Variants in EIF2AK3 observed in about 807,000 individuals in gnomAD.
EIF2AK3 encodes eukaryotic translation initiation factor 2 alpha kinase 3.
In EIF2AK3, 50 loss-of-function variants were observed where a neutral mutation model predicts 113.5. The ratio of observed to expected loss-of-function variants is 0.44; its 90% CI spans 0.35 to 0.56. The LOEUF (loss-of-function observed/expected upper bound fraction) is 0.56. EIF2AK3 is among the 20% of genes least tolerant of loss of function. The probability of loss-of-function intolerance (pLI) is 0.00; values close to 1 mark genes in which losing one functional copy is unlikely to be tolerated. For missense variants in EIF2AK3, 1,185 were observed against 1,378.0 expected (o/e 0.86, Z 2.22); for synonymous variants, 448 against 495.4 (o/e 0.90, Z 1.27).
In EIF2AK3 at chr2:88,591,019, C is replaced by G; in HGVS notation, c.801G>C (p.Arg267=). The G allele has an allele frequency of 1.2e-6, 2 of 1,614,036 alleles. No homozygotes were observed. Among genetic ancestry groups the G allele is most frequent in the Non-Finnish European group, 1.7e-6 (2 of 1,179,966 alleles). Residue 267 remains arginine (R), a synonymous_variant, in exon 5 of 17, where the codon CGG becomes CGC. Coordinates refer to ENST00000303236, the MANE Select transcript of EIF2AK3 (RefSeq NM_004836.7). The stretch of plus-strand genomic sequence containing the variant: ...CTCTCGTTTCCATGTCTGGAATATA[C>G]CGAAGTTCAAAGTGGCCAACACTGA... ...WNFSVGHFEL[R]YIPDMETRAG...
intron 1 of EIF2AK3, among the ~76,000 whole-genome samples, chr2:88,625,555 T>C (rs1364899946): frequency 2.0e-5 from 3 of 152,170 alleles, no homozygotes; most frequent in African/African-American, 7.2e-5. Context: ...CTGTTTCTAG[T>C]CTGTAATGTT....
chr2:88,566,457 T>G (rs1237507139), intron 14 of EIF2AK3, among the ~76,000 whole-genome samples: 1 of 152,186 alleles, frequency 6.6e-6, no homozygotes, highest in Non-Finnish European at 1.5e-5. Flanking sequence ...TTTCATCATT[T>G]TCTTAATACT....
rs957438194 is a variant in EIF2AK3, at chr2:88,557,763, G to A, written c.3324C>T (p.Asn1108=). The change falls in exon 17 of 17, where the codon AAC becomes AAT. Residue 1108 remains asparagine, a synonymous_variant. Coordinates refer to ENST00000303236, the MANE Select transcript of EIF2AK3 (RefSeq NM_004836.7). ...SGTKHSRQSN[N]SHSPLPSN is the part of the protein sequence containing the mutation. Reference sequence around the variant, plus strand: ...AATTGCTTGGCAAAGGGCTATGGGAGTTGTTGGACTGTCTTGAATGTTTTG... The same window carrying A: ...AATTGCTTGGCAAAGGGCTATGGGAATTGTTGGACTGTCTTGAATGTTTTG... 6.2e-7 allele frequency: 1 copy of A among 1,614,154 alleles called. No homozygotes were observed. The highest frequency in any genetic ancestry group is 1.3e-5 in the African/African-American group (1 of 75,054).
chr2:88,587,754 TA>T (rs1181599855), intron 8 of EIF2AK3, among the ~76,000 whole-genome samples: 1 of 152,138 alleles, frequency 6.6e-6, no homozygotes, highest in Non-Finnish European at 1.5e-5. Flanking sequence ...ATTTTACAGA[TA>T]AAGAAATTGA....
chr2:88,561,163 C>T (rs1455104659), intron 15 of EIF2AK3, among the ~76,000 whole-genome samples: 2 of 151,928 alleles, frequency 1.3e-5, no homozygotes, highest in African/African-American at 2.4e-5. Flanking sequence ...CTATGTTGCC[C>T]AGGCTGGTGT....
At chr2:88,601,246 A>G (rs1558659062) in intron 2 of EIF2AK3, among the ~76,000 whole-genome samples, 1 of 152,236 alleles carries the variant, frequency 6.6e-6, no homozygotes, top group Non-Finnish European at 1.5e-5. Context: ...TGTCCTATAG[A>G]ATGTCCCACA....
intron 1 of EIF2AK3, among the ~76,000 whole-genome samples, chr2:88,623,574 G>A (rs1226496471): frequency 6.6e-6 from 1 of 152,134 alleles, no homozygotes; most frequent in African/African-American, 2.4e-5. Flanking sequence ...CAGTACTGCA[G>A]TTCTTCACAG....
intron 9 of EIF2AK3, among the ~76,000 whole-genome samples, chr2:88,584,195 C>T (rs905805381): frequency 5.3e-5 from 8 of 152,000 alleles, no homozygotes; most frequent in African/African-American, 1.7e-4. Flanking sequence ...TGGTGGTAAA[C>T]AGTGTAGACT....
chr2:88,581,783 A>C (rs575282116), intron 10 of EIF2AK3, among the ~76,000 whole-genome samples: 2 of 152,212 alleles, frequency 1.3e-5, no homozygotes, highest in East Asian at 3.9e-4. Context: ...TCACCTAGTA[A>C]ATTTTGCTTT....
chr2:88,570,120 T>C (rs1420507109), intron 14 of EIF2AK3, among the ~76,000 whole-genome samples: 1 of 152,182 alleles, frequency 6.6e-6, no homozygotes, highest in Non-Finnish European at 1.5e-5. Flanking sequence ...TTCATTGTTA[T>C]TTAGTTGATT....
chr2:88,587,849 T>C lies in EIF2AK3; in HGVS notation c.1429+133A>G, dbSNP rs1255893874. On this transcript the variant is annotated intron_variant, in intron 8 of 16. Transcript: ENST00000303236. ...TGGCAACCTAACTTTGGAGCTTGTA[T>C]GCTTAGTAATCATTCATGAAATTGT... 4.9e-6 allele frequency: 3 copies of C among 616,660 alleles called. No homozygotes were observed. The African/African-American group carries it at 5.8e-5, about 12-fold the overall frequency. 38.2% of individuals were successfully genotyped at this position (616,660 alleles called of 1,614,324 possible). A position where few individuals can be genotyped will look rare whatever the true frequency, so the allele number is the denominator to read the frequency against.
chr2:88,613,250 A>G (rs1675496947), intron 2 of EIF2AK3, among the ~76,000 whole-genome samples: 1 of 152,198 alleles, frequency 6.6e-6, no homozygotes, highest in Non-Finnish European at 1.5e-5. Flanking sequence ...TTTTTCTGCA[A>G]ATAATCAAAT....
intron 2 of EIF2AK3, among the ~76,000 whole-genome samples, chr2:88,612,912 A>G (rs573459814): frequency 6.6e-6 from 1 of 152,326 alleles, no homozygotes; most frequent in African/African-American, 2.4e-5. Context: ...ATTCTGGAAA[A>G]CAGAGGTGAC....
At chr2:88,586,944 C>T (rs369434410) in intron 8 of EIF2AK3, among the ~76,000 whole-genome samples, 16 of 150,670 alleles carry the variant, frequency 1.1e-4, no homozygotes, top group South Asian at 6.3e-4. Flanking sequence ...CAGTGGCTCA[C>T]GCCTGTAATC....
chr2:88,578,868 G>C (rs1674529112), intron 11 of EIF2AK3, among the ~76,000 whole-genome samples: 1 of 151,934 alleles, frequency 6.6e-6, no homozygotes, highest in Non-Finnish European at 1.5e-5. Context: ...TTTTTTTATG[G>C]TAAAGTTATT....
At chr2:88,593,919 C>T (rs1329979910) in intron 3 of EIF2AK3, 11 of 994,854 alleles carry the variant, frequency 1.1e-5, no homozygotes, top group African/African-American at 1.7e-5. Flanking sequence ...ATACCTTCTA[C>T]AATACCAGAA....
chr2:88,591,916 G>A lies in EIF2AK3; in HGVS notation c.768-864C>T, dbSNP rs575690248. Reference sequence around the variant, plus strand: ...ACTTAAAAAAACAAAATCCAGTCAGGATAAAGAAGGTCAAGTTGTCTGTAA... The same window carrying A: ...ACTTAAAAAAACAAAATCCAGTCAGAATAAAGAAGGTCAAGTTGTCTGTAA... On this transcript the variant is annotated intron_variant, in intron 4 of 16. Coordinates refer to ENST00000303236, the MANE Select transcript of EIF2AK3 (RefSeq NM_004836.7). Among the ~76,000 whole-genome samples the A allele has an allele frequency of 2.8e-4, 43 of 152,162 alleles. No individual in the cohort carries two copies. The South Asian group carries it at 7.3e-3, about 26-fold the overall frequency.
At chr2:88,596,288 C>A (rs1675017422) in intron 2 of EIF2AK3, among the ~76,000 whole-genome samples, 1 of 152,078 alleles carries the variant, frequency 6.6e-6, no homozygotes, top group South Asian at 2.1e-4. Flanking sequence ...TTCTCGGTTG[C>A]CCTCCCTTCT....
chr2:88,624,173 AGT>A (rs1270736625), intron 1 of EIF2AK3, among the ~76,000 whole-genome samples: 5 of 151,980 alleles, frequency 3.3e-5, no homozygotes, highest in African/African-American at 1.2e-4. Flanking sequence ...TTGTATTTTT[AGT>A]AGAGATGGGG....
Sources: allele counts gnomAD v4.1 joint callset (sites outside exome capture counted in the v4.1 genomes callset), GRCh38; gene constraint gnomAD v4.1.1; transcripts MANE v1.5; gene names NCBI Gene and HGNC (gene_info 2026-07-23, HGNC 2026-07-21).